The following PHACTR3 variants were observed in gnomAD, a reference collection of about 807,000 sequenced individuals.
The protein encoded by PHACTR3 is protein phosphatase 1, regulatory subunit 123.
Under a neutral mutation model 66.8 loss-of-function variants are expected in PHACTR3, and 16 were observed. The observed-to-expected ratio is 0.24, with a 90% CI of 0.16 to 0.36. PHACTR3 has a LOEUF of 0.36. Ranked by LOEUF, PHACTR3 falls within the 10% of genes least tolerant of loss-of-function variation. The pLI is 1.00. For missense variants in PHACTR3, 647 were observed against 719.9 expected, an observed-to-expected ratio of 0.90 and a Z score of 1.16; for synonymous variants, 323 against 292.1, an observed-to-expected ratio of 1.11 and a Z score of -1.08.
At chr20:59,677,784 C>T (rs182247116) in intron 1 of PHACTR3, among the ~76,000 whole-genome samples, 24 of 152,170 alleles carry the variant, frequency 1.6e-4, no homozygotes, top group Admixed American at 9.8e-4. Flanking sequence ...GAATTATGTG[C>T]GTGTATAATG....
Position 59,835,773 on chromosome 20 carries a change from C to A in PHACTR3, c.1329-732C>A, listed in dbSNP as rs151191795. The stretch of plus-strand genomic sequence containing the variant: ...ACTTGAAAAAGAAATAATAATTTGT[C>A]TTCATATCGCACACTCCGTCTGGGC... On this transcript the variant is annotated intron_variant, in intron 8 of 12. Coordinates refer to ENST00000371015, the MANE Select transcript of PHACTR3 (RefSeq NM_080672.5). 5.9e-5 allele frequency: 9 copies of A among 152,328 alleles called. No homozygotes were observed. The East Asian group carries it at 1.7e-3, about 29-fold the overall frequency. The allele number at this position is 152,328 out of a possible 1,614,324, so 9.4% of individuals were successfully genotyped here.
intron 7 of PHACTR3, among the ~76,000 whole-genome samples, chr20:59,802,982 G>A (rs2041461265): frequency 6.6e-6 from 1 of 152,182 alleles, no homozygotes; most frequent in South Asian, 2.1e-4. Context: ...TGAGAAAAAG[G>A]CCTTTTGCAC....
At chr20:59,591,367 G>T (rs1162770259) in intron 1 of PHACTR3, among the ~76,000 whole-genome samples, 1 of 152,134 alleles carries the variant, frequency 6.6e-6, no homozygotes, top group Non-Finnish European at 1.5e-5. Flanking sequence ...TCTCCACCCG[G>T]GCAAGGCTCC....
At chr20:59,749,948 T>G (rs1336043278) in intron 3 of PHACTR3, among the ~76,000 whole-genome samples, 1 of 152,202 alleles carries the variant, frequency 6.6e-6, no homozygotes, top group Non-Finnish European at 1.5e-5. Context: ...TAAATGATTG[T>G]GGACCAGGGA....
At chr20:59,742,304 T>TGGAC (rs1295328605) in intron 1 of PHACTR3, among the ~76,000 whole-genome samples, 5 of 152,234 alleles carry the variant, frequency 3.3e-5, no homozygotes, top group African/African-American at 9.6e-5. Context: ...AGTCCCCCTG[T>TGGAC]GGACGGGTAT....
At chr20:59,581,697 C>G (rs1023366398) in intron 1 of PHACTR3, among the ~76,000 whole-genome samples, 1 of 150,730 alleles carries the variant, frequency 6.6e-6, no homozygotes, top group Admixed American at 6.6e-5. Context: ...CTGGCTAACA[C>G]GGTGAAATCC....
At chr20:59,622,698 A>T (rs2034287385) in intron 1 of PHACTR3, among the ~76,000 whole-genome samples, 2 of 151,960 alleles carry the variant, frequency 1.3e-5, no homozygotes, top group South Asian at 4.1e-4. Flanking sequence ...CACACTGGGA[A>T]TGAGGGAGAC....
intron 1 of PHACTR3, among the ~76,000 whole-genome samples, chr20:59,731,398 C>T (rs1322444330): frequency 6.6e-6 from 1 of 152,130 alleles, no homozygotes; most frequent in African/African-American, 2.4e-5. Context: ...AAGCCACATA[C>T]AAAAAAATCA....
chr20:59,845,761 G>C (rs555829588), intron 12 of PHACTR3, among the ~76,000 whole-genome samples: 1 of 152,270 alleles, frequency 6.6e-6, no homozygotes, highest in Non-Finnish European at 1.5e-5. Context: ...TGCTGAGAAT[G>C]CAATAGTGAA....
intron 11 of PHACTR3, chr20:59,844,491 C>T (rs1404857613): frequency 6.6e-6 from 1 of 152,020 alleles, no homozygotes; most frequent in Non-Finnish European, 1.5e-5. Flanking sequence ...TATACACAGC[C>T]ACACAAAATG....
In PHACTR3 at chr20:59,743,177, G is replaced by A. The variant is rs2039235627; in HGVS notation, c.189G>A (p.Arg63=). Residue 63 remains arginine (R), a synonymous_variant, in exon 2 of 13, where the codon AGG becomes AGA. Coordinates refer to ENST00000371015, the MANE Select transcript of PHACTR3 (RefSeq NM_080672.5). ...LVSGIRTPPV[R]RNSKLATLGR... is the part of the protein sequence containing the mutation. ...CAGGGATTCGAACTCCCCCTGTGAG[G>A]AGGAACAGCAAACTGGCCACCCTGG... 1.9e-6 allele frequency: 3 copies of A among 1,614,036 alleles called. No individual in the cohort carries two copies. The highest frequency in any genetic ancestry group is 1.3e-5 in the African/African-American group (1 of 74,948).
At chr20:59,731,903 T>C (rs1169329333) in intron 1 of PHACTR3, among the ~76,000 whole-genome samples, 1 of 152,190 alleles carries the variant, frequency 6.6e-6, no homozygotes, top group Middle Eastern at 3.2e-3. Flanking sequence ...AGTCCAAAAA[T>C]AAATTATTAA....
intron 3 of PHACTR3, 34 bp from the exon 4 acceptor site, chr20:59,755,148 T>A (rs781514372): frequency 6.3e-7 from 1 of 1,594,634 alleles, no homozygotes; most frequent in Admixed American, 1.7e-5. Flanking sequence ...GGAAGGGAGG[T>A]GCAGGCCCAG....
At chr20:59,589,551 A>G (rs2033131776) in intron 1 of PHACTR3, among the ~76,000 whole-genome samples, 1 of 152,138 alleles carries the variant, frequency 6.6e-6, no homozygotes, top group Admixed American at 6.5e-5. Flanking sequence ...CTGCTTTTGA[A>G]TGGTTACTCT....
intron 1 of PHACTR3, among the ~76,000 whole-genome samples, chr20:59,627,331 C>A (rs2034491515): frequency 1.3e-5 from 2 of 152,188 alleles, no homozygotes; most frequent in African/African-American, 2.4e-5. Context: ...TTCACCTAAG[C>A]CCGCCTGCAG....
At chr20:59,605,265 C>CG (rs1417746417) in intron 1 of PHACTR3, 133 bp downstream of exon 1, 1 of 542,732 alleles carries the variant, frequency 1.8e-6, no homozygotes, top group Non-Finnish European at 2.8e-6. Context: ...CTCGGCCCCG[C>CG]GGTTCCTATC....
chr20:59,760,541 C>A (rs556023813), intron 4 of PHACTR3, among the ~76,000 whole-genome samples: 1 of 152,120 alleles, frequency 6.6e-6, no homozygotes, highest in East Asian at 1.9e-4. Context: ...CCTTTTGCTT[C>A]GTTCTCATTC....
chr20:59,701,990 C>T (rs962720389), intron 1 of PHACTR3, among the ~76,000 whole-genome samples: 3 of 152,200 alleles, frequency 2.0e-5, no homozygotes, highest in African/African-American at 7.2e-5. Context: ...TATTCTTTGA[C>T]TAAGCAAGAT....
chr20:59,689,789 C>A (rs1568715231), intron 1 of PHACTR3, among the ~76,000 whole-genome samples: 1 of 152,126 alleles, frequency 6.6e-6, no homozygotes, highest in Non-Finnish European at 1.5e-5. Flanking sequence ...CATTTTCCTC[C>A]TCATCCCCAT....
Sources: allele counts gnomAD v4.1 joint callset (sites outside exome capture counted in the v4.1 genomes callset), GRCh38; gene constraint gnomAD v4.1.1; transcripts MANE v1.5; gene names NCBI Gene and HGNC (gene_info 2026-07-23, HGNC 2026-07-21).